The following ERC2 variants were observed in gnomAD, a reference collection of about 807,000 sequenced individuals.
The protein encoded by ERC2 is ERC protein 2.
Under a neutral mutation model 114.8 loss-of-function variants are expected in ERC2, and 42 were observed. The observed-to-expected ratio is 0.37, with a 90% CI of 0.29 to 0.47. The LOEUF (loss-of-function observed/expected upper bound fraction) is 0.47. Among genes scored for constraint, ERC2 ranks in the 20% least tolerant of loss-of-function variants. The probability of loss-of-function intolerance (pLI) is 0.99; values close to 1 mark genes in which losing one functional copy is unlikely to be tolerated. For missense variants in ERC2, 939 were observed against 1,150.7 expected (o/e 0.82, Z 2.66); for synonymous variants, 454 against 425.5 (o/e 1.07, Z -0.82).
intron 6 of ERC2, among the ~76,000 whole-genome samples, chr3:56,113,111 A>C (rs12493083): frequency 0.21 from 31,607 of 152,138 alleles, 3,737 homozygotes; most frequent in African/African-American, 0.32. Flanking sequence ...AAAATTAACT[A>C]TCTGACAGGG....
Position 55,734,763 on chromosome 3 carries a change from G to C in ERC2, c.2712+8C>G, listed in dbSNP as rs1177567077. The C allele has an allele frequency of 3.1e-6, 5 of 1,605,188 alleles. No homozygotes were observed. Among genetic ancestry groups the C allele is most frequent in the African/African-American group, 1.3e-5 (1 of 74,616 alleles). ...AGAAAAACACACCTGTCTTGCAGGA[G>C]GCCCCACCTGCTGCTTTAATTGATG... On this transcript the variant is annotated splice_region_variant and intron_variant, in intron 15 of 17. Transcript: ENST00000288221.
At chr3:56,260,790 C>T (rs1007585248) in intron 3 of ERC2, among the ~76,000 whole-genome samples, 1 of 152,224 alleles carries the variant, frequency 6.6e-6, no homozygotes, top group African/African-American at 2.4e-5. Flanking sequence ...CTTGCTGAAA[C>T]CCAGCAGCTG....
chr3:55,713,260 G>T (rs948517218), intron 15 of ERC2, among the ~76,000 whole-genome samples: 10 of 151,784 alleles, frequency 6.6e-5, no homozygotes, highest in Non-Finnish European at 1.5e-4. Flanking sequence ...GCCCAGGCTG[G>T]AGTGCAATGG....
intron 17 of ERC2, among the ~76,000 whole-genome samples, chr3:55,577,405 T>A (rs372032448): frequency 6.6e-6 from 1 of 152,320 alleles, no homozygotes; most frequent in South Asian, 2.1e-4. Flanking sequence ...TATATCCTCA[T>A]AAAGTTCCCT....
chr3:56,370,690 G>T (rs1427015247), intron 2 of ERC2, among the ~76,000 whole-genome samples: 1 of 150,786 alleles, frequency 6.6e-6, no homozygotes, highest in Non-Finnish European at 1.5e-5. Flanking sequence ...CGCCTCCCAG[G>T]TTCAAGCAAT....
chr3:56,280,383 C>T (rs1259141059), intron 3 of ERC2, among the ~76,000 whole-genome samples: 1 of 152,144 alleles, frequency 6.6e-6, no homozygotes, highest in African/African-American at 2.4e-5. Flanking sequence ...TAATTTGTTA[C>T]CGCAGCAATA....
At chr3:56,185,912 TG>T (rs2083572800) in intron 3 of ERC2, among the ~76,000 whole-genome samples, 1 of 151,442 alleles carries the variant, frequency 6.6e-6, no homozygotes, top group Non-Finnish European at 1.5e-5. Context: ...ATTCTCAGTG[TG>T]AGAAGGATTT....
At chr3:56,455,841 C>T (rs1183674854) in intron 1 of ERC2, among the ~76,000 whole-genome samples, 1 of 152,220 alleles carries the variant, frequency 6.6e-6, no homozygotes, top group Non-Finnish European at 1.5e-5. Context: ...TAGCACTCAT[C>T]ATTCAACCAA....
intron 3 of ERC2, among the ~76,000 whole-genome samples, chr3:56,234,076 G>A (rs1187460463): frequency 6.6e-6 from 1 of 152,138 alleles, no homozygotes; most frequent in African/African-American, 2.4e-5. Context: ...GCCTGAAAGT[G>A]TTTTATTTAA....
At chr3:55,615,742 C>T (rs200945655) in intron 17 of ERC2, among the ~76,000 whole-genome samples, 3 of 152,220 alleles carry the variant, frequency 2.0e-5, no homozygotes, top group South Asian at 2.1e-4. Flanking sequence ...ATGATATTTT[C>T]GGTGAAAATT....
intron 3 of ERC2, among the ~76,000 whole-genome samples, chr3:56,220,521 C>G (rs759496029): frequency 7.9e-5 from 12 of 152,296 alleles, no homozygotes; most frequent in Non-Finnish European, 1.2e-4. Flanking sequence ...AGATGTCTCT[C>G]AGTCGACTCA....
intron 3 of ERC2, among the ~76,000 whole-genome samples, chr3:56,218,865 C>T (rs1351702326): frequency 6.6e-6 from 1 of 152,102 alleles, no homozygotes; most frequent in Non-Finnish European, 1.5e-5. Flanking sequence ...TGGAAACCAT[C>T]ATTCTCAGCA....
chr3:56,390,670 C>T (rs996429722), intron 2 of ERC2, among the ~76,000 whole-genome samples: 4 of 152,150 alleles, frequency 2.6e-5, no homozygotes, highest in Non-Finnish European at 1.5e-5. Flanking sequence ...GGTGCATTTT[C>T]AGTAGCAAGA....
At chr3:55,763,334 G>A (rs1411724138) in intron 14 of ERC2, among the ~76,000 whole-genome samples, 1 of 152,230 alleles carries the variant, frequency 6.6e-6, no homozygotes, top group East Asian at 1.9e-4. Context: ...TGGAACAGAT[G>A]TCTAGTATTG....
chr3:56,308,755 T>C (rs2056374122), intron 2 of ERC2, among the ~76,000 whole-genome samples: 3 of 152,102 alleles, frequency 2.0e-5, no homozygotes, highest in Admixed American at 2.0e-4. Context: ...CTCCAAGCTA[T>C]ATAAAAATAT....
chr3:55,851,188 T>TTTTTTTTTTTTTTTTTTG (rs1427189122), intron 14 of ERC2, among the ~76,000 whole-genome samples: 4 of 147,994 alleles, frequency 2.7e-5, no homozygotes, highest in Admixed American at 6.7e-5. Context: ...ATGATTTTTT[T>TTTTTTTTTTTTTTTTTTG]AAGCCCATGC....
At chr3:55,712,946 C>A (rs2063849808) in intron 15 of ERC2, among the ~76,000 whole-genome samples, 1 of 152,110 alleles carries the variant, frequency 6.6e-6, no homozygotes, top group East Asian at 1.9e-4. Flanking sequence ...GAAACTAAGT[C>A]TTCACATGTG....
intron 10 of ERC2, among the ~76,000 whole-genome samples, chr3:56,000,253 T>G (rs1379231726): frequency 6.6e-6 from 1 of 151,882 alleles, no homozygotes; most frequent in African/African-American, 2.4e-5. Flanking sequence ...AAAAGCAAAA[T>G]TAAAACATTT....
chr3:56,025,172 A>T, intron 7 of ERC2, among the ~76,000 whole-genome samples: 1 of 152,248 alleles, frequency 6.6e-6, no homozygotes, highest in African/African-American at 2.4e-5. Context: ...CTTTTGCAGA[A>T]TGCCAAGGAT....
Sources: allele counts gnomAD v4.1 joint callset (sites outside exome capture counted in the v4.1 genomes callset), GRCh38; gene constraint gnomAD v4.1.1; transcripts MANE v1.5; gene names NCBI Gene and HGNC (gene_info 2026-07-23, HGNC 2026-07-21).